ZNF219: variants seen among roughly 807,000 people sequenced by gnomAD.
ZNF219 encodes the protein zinc finger protein 219.
A neutral mutation model predicts 54.4 loss-of-function variants in ZNF219; 17 were observed. The ratio of observed to expected loss-of-function variants is 0.31; its 90% CI spans 0.21 to 0.47. The LOEUF (loss-of-function observed/expected upper bound fraction) is 0.47, where lower values mean the gene tolerates loss of function less well. ZNF219 is among the 20% of genes least tolerant of loss of function. The probability of loss-of-function intolerance (pLI) is 1.00; values close to 1 mark genes in which losing one functional copy is unlikely to be tolerated. For missense variants in ZNF219, 1,014 were observed against 1,062.3 expected (o/e 0.95, Z 0.63); for synonymous variants, 518 against 476.4 (o/e 1.09, Z -1.14).
At chr14:21,097,163 GCTC>G (rs1427072301) in intron 1 of ZNF219, among the ~76,000 whole-genome samples, 1 of 152,160 alleles carries the variant, frequency 6.6e-6, no homozygotes, top group African/African-American at 2.4e-5. Flanking sequence ...TGCTCAGATA[GCTC>G]CTCCTAACCC....
At position 21,091,065 on chromosome 14, in the gene ZNF219, C is replaced by A; in HGVS notation, c.1640G>T (p.Arg547Leu). Reference protein sequence around the residue: ...QSGSLKYHLQRHHREQRSGAG... With the variant: ...QSGSLKYHLQLHHREQRSGAG... The stretch of plus-strand genomic sequence containing the variant: ...CCCGCTCCTCTGCTCCCGGTGGTGG[C>A]GCTGTAGGTGATACTTGAGCGAGCC... The change falls in exon 5 of 5, where the codon CGC (arginine) becomes CTC (leucine). Residue 547 changes from arginine (R) to leucine (L), a missense_variant. Arg to Leu is a moderately radical substitution (Grantham distance 102). Transcript: ENST00000360947. 1.9e-6 allele frequency: 3 copies of A among 1,565,512 alleles called. No individual in the cohort carries two copies. The highest frequency in any genetic ancestry group is 2.6e-6 in the Non-Finnish European group (3 of 1,160,936).
upstream of ZNF219, chr14:21,098,688 G>T: frequency 9.8e-7 from 1 of 1,018,898 alleles, no homozygotes; most frequent in Non-Finnish European, 1.2e-6. Flanking sequence ...GAGGAAGGGA[G>T]GGAGCGGGGG....
Position 21,093,508 on chromosome 14 carries a change from CAA to C in ZNF219, c.6+76_6+77del. ...GAGTTAACTTCTAATAATGGGAGGT[CAA>C]AGAGAGAGAGAGGTAGGCAGGAGAG... is the stretch of plus-strand genomic sequence containing the variant. On this transcript the variant is annotated intron_variant, in intron 2 of 4. Coordinates refer to ENST00000360947, the MANE Select transcript of ZNF219 (RefSeq NM_016423.3). The C allele has an allele frequency of 2.0e-6, 3 of 1,532,120 alleles. No homozygotes were observed. In the South Asian group the frequency reaches 3.4e-5, roughly 17 times the overall value. 94.9% of individuals were successfully genotyped at this position (1,532,120 alleles called of 1,614,324 possible). A position where few individuals can be genotyped will look rare whatever the true frequency, so the allele number is the denominator to read the frequency against.
Position 21,092,469 on chromosome 14 carries a change from G to C in ZNF219, c.828C>G (p.Cys276Trp). The change falls in exon 3 of 5, where the codon TGC becomes TGG. Residue 276 changes from cysteine (C) to tryptophan (W), a missense_variant. Coordinates refer to ENST00000360947, the MANE Select transcript of ZNF219 (RefSeq NM_016423.3). Reference sequence around the variant, plus strand: ...GTGTAAAGCTCTGGCCGCACACTTGGCAGCGGAACTCCGGAGGCGCTGGGG... The same window carrying C: ...GTGTAAAGCTCTGGCCGCACACTTGCCAGCGGAACTCCGGAGGCGCTGGGG... ...EEPPAPPEFR[C>W]QVCGQSFTQS... 6.4e-7 allele frequency: 1 copy of C among 1,556,418 alleles called. No homozygotes were observed. Among genetic ancestry groups the C allele is most frequent in the Non-Finnish European group, 8.7e-7 (1 of 1,150,124 alleles).
At position 21,092,617 on chromosome 14, in the gene ZNF219, G is replaced by C; in HGVS notation, c.680C>G (p.Pro227Arg). The stretch of plus-strand genomic sequence containing the variant: ...TGGAGGCTGAGGCTGAGGCTGAGGC[G>C]GAGGCGCAGCGGAGGTGGCCGCCAG... ...RPLAATSAAPPPQPQPQPPPQ... is the reference protein window; with the variant it reads ...RPLAATSAAPRPQPQPQPPPQ... Residue 227 changes from proline to arginine, a missense_variant, in exon 3 of 5, where the codon CCG becomes CGG. Physicochemically the swap from Pro to Arg is moderately radical, Grantham distance 103. Coordinates refer to ENST00000360947, the MANE Select transcript of ZNF219 (RefSeq NM_016423.3). The C allele has an allele frequency of 6.4e-7, 1 of 1,553,734 alleles. No homozygotes were observed. Among genetic ancestry groups the C allele is most frequent in the Non-Finnish European group, 8.7e-7 (1 of 1,151,288 alleles).
At chr14:21,093,539 G>A (rs2139309518) in intron 2 of ZNF219, 47 bp downstream of exon 2, 1 of 1,587,968 alleles carries the variant, frequency 6.3e-7, no homozygotes, top group South Asian at 1.1e-5. Flanking sequence ...AGGAGAGGGA[G>A]TATACAGTTG....
At chr14:21,093,534 A>C in intron 2 of ZNF219, 52 bp downstream of exon 2, 1 of 1,585,094 alleles carries the variant, frequency 6.3e-7, no homozygotes. Flanking sequence ...TAGGCAGGAG[A>C]GGGAGTATAC....
At position 21,093,131 on chromosome 14, in the gene ZNF219, G is replaced by T. The variant is rs1179363391; in HGVS notation, c.166C>A (p.Arg56Ser). The change falls in exon 3 of 5, where the codon CGC becomes AGC. Residue 56 changes from arginine to serine, a missense_variant. This residue lies in a region of ZNF219 where 395 missense variants were observed against 415.1 expected (regional missense o/e 0.95). Coordinates refer to ENST00000360947, the MANE Select transcript of ZNF219 (RefSeq NM_016423.3). ...TTCCCGCATACAGGGCAGGGGAAGC[G>T]CCGTTCGCCTGCACGACTCTCAGAC... is the stretch of plus-strand genomic sequence containing the variant. The part of the protein sequence containing the change: ...SWSESRAGER[R>S]FPCPVCGKRF... 6.2e-6 allele frequency: 10 copies of T among 1,610,280 alleles called. No individual in the cohort carries two copies. Among genetic ancestry groups the T allele is most frequent in the Middle Eastern group, 1.6e-4 (1 of 6,062 alleles).
intron 1 of ZNF219, among the ~76,000 whole-genome samples, 159 bp downstream of exon 1, chr14:21,098,153 T>C (rs1345388830): frequency 7.2e-6 from 1 of 139,108 alleles, no homozygotes; most frequent in Non-Finnish European, 1.6e-5. Context: ...CGAAGTTTGC[T>C]TGGGGCCGAG....
chr14:21,104,544 G>C (rs907871542), exon 1 of ZNF219: 1 of 152,254 alleles, frequency 6.6e-6, no homozygotes, highest in Admixed American at 6.5e-5. Context: ...ATGGCTGTTC[G>C]CCTCACACTC....
At chr14:21,093,756 C>A in intron 1 of ZNF219, 82 bp from the exon 2 acceptor site, 2 of 1,297,560 alleles carry the variant, frequency 1.5e-6, no homozygotes, top group Non-Finnish European at 1.1e-6. Flanking sequence ...AGACTCTCAG[C>A]ATTCTGTATT....
In ZNF219 at chr14:21,093,629, G is replaced by A. The variant is rs1461505484; in HGVS notation, c.-38C>T. The A allele has an allele frequency of 6.2e-7, 1 of 1,614,016 alleles. No individual in the cohort carries two copies. The highest frequency in any genetic ancestry group is 1.7e-5 in the Admixed American group (1 of 60,002). ...CATTCTTTGGTTCTGGGAAGTGCAG[G>A]GAAGAGGAGGAAAAGCTGCTAATGA... On this transcript the variant is annotated 5_prime_UTR_variant, in exon 2 of 5. Transcript: ENST00000360947.
In ZNF219 at chr14:21,091,919, G is replaced by C. The variant is rs1367535839; in HGVS notation, c.1378C>G (p.Pro460Ala). 3 of 1,601,256 alleles carry C rather than the reference G, an allele frequency of 1.9e-6. No individual in the cohort carries two copies. Among genetic ancestry groups the C allele is most frequent in the African/African-American group, 1.3e-5 (1 of 74,700 alleles). The change falls in exon 3 of 5, where the codon CCG (proline) becomes GCG (alanine). Residue 460 changes from proline (P) to alanine (A), a missense_variant. By Grantham distance (27) the Pro-to-Ala change is conservative. Around this residue, in one of 5 missense-constraint regions of ZNF219, gnomAD observed 272 missense variants for 248.9 expected, o/e 1.09. Coordinates refer to ENST00000360947, the MANE Select transcript of ZNF219 (RefSeq NM_016423.3). ...ASLHPRPGEG[P>A]GHSASAAGAQ... ...CCAGCAGCAGAGGCAGAGTGCCCCG[G>C]TCCCTCACCCGGGCGCGGGTGCAGG...
Position 21,090,937 on chromosome 14 carries a change from C to A in ZNF219, c.1768G>T (p.Gly590Cys). The A allele has an allele frequency of 6.5e-7, 1 of 1,547,406 alleles. No homozygotes were observed. The highest frequency in any genetic ancestry group is 8.7e-7 in the Non-Finnish European group (1 of 1,151,366). Residue 590 changes from glycine (G) to cysteine (C), a missense_variant, in exon 5 of 5, where the codon GGC becomes TGC. Transcript: ENST00000360947. The surrounding 1 kb of genome is among the most constrained non-coding windows in gnomAD (Gnocchi z 4.4). ...PSPQPATWVEGASSPRPPSSG... is the reference protein window; with the variant it reads ...PSPQPATWVECASSPRPPSSG... Reference sequence around the variant, plus strand: ...GAAGGAGGCCGGGGACTTGAGGCGCCCTCCACCCAGGTCGCAGGCTGCGGA... The same window carrying A: ...GAAGGAGGCCGGGGACTTGAGGCGCACTCCACCCAGGTCGCAGGCTGCGGA...
chr14:21,090,187 A>C lies in ZNF219; in HGVS notation c.*349T>G. 1.9e-6 allele frequency: 1 copy of C among 529,938 alleles called. No individual in the cohort carries two copies. 32.8% of individuals were successfully genotyped at this position (529,938 alleles called of 1,614,324 possible). On this transcript the variant is annotated 3_prime_UTR_variant, in exon 5 of 5. Transcript: ENST00000360947. The surrounding 1 kb of genome is among the most constrained non-coding windows in gnomAD (Gnocchi z 4.4). ...GGGCCCCTGATGGGGCTAGAAGGGT[A>C]CAGTGCCCCCCACCCTCACCCCTTG...
intron 1 of ZNF219, chr14:21,094,499 G>T: frequency 2.3e-6 from 1 of 442,556 alleles, no homozygotes. Context: ...CCTCTCTGCA[G>T]GGGAGAGGCT....
At chr14:21,101,219 T>G, upstream of ZNF219, 2 of 843,162 alleles carry the variant, frequency 2.4e-6, no homozygotes, top group Non-Finnish European at 3.7e-6. Context: ...AATCCCTGGA[T>G]ATTGGGAGTG....
upstream of ZNF219, chr14:21,103,544 T>G (rs149209700): frequency 5.1e-6 from 2 of 392,776 alleles, no homozygotes; most frequent in Admixed American, 4.3e-5. Flanking sequence ...TGTCCACCTT[T>G]CATAATCCCA....
In ZNF219 at chr14:21,093,147, A is replaced by T; in HGVS notation, c.150T>A (p.Ser50Arg). Residue 50 changes from serine (S) to arginine (R), a missense_variant, in exon 3 of 5, where the codon AGT becomes AGA. Physicochemically the swap from Ser to Arg is moderately radical, Grantham distance 110. Transcript: ENST00000360947. ...AGGGGAAGCGCCGTTCGCCTGCACG[A>T]CTCTCAGACCAGCTCACCGCTCCCA... ...LGMGAVSWSESRAGERRFPCP... is the reference protein window; with the variant it reads ...LGMGAVSWSERRAGERRFPCP... 1 of 1,610,160 alleles carries T rather than the reference A, an allele frequency of 6.2e-7. No homozygotes were observed. The highest frequency in any genetic ancestry group is 8.5e-7 in the Non-Finnish European group (1 of 1,179,258).
Sources: gnomAD v4.1 joint callset for allele counts (sites outside exome capture counted in the v4.1 genomes callset) on GRCh38, gnomAD v4.1.1 for gene constraint, gnomAD v4.1.1 regional missense constraint, Gnocchi (gnomAD v3.1) non-coding constraint, MANE v1.5 for transcripts, NCBI Gene and HGNC (gene_info 2026-07-23, HGNC 2026-07-21) for gene names.